The following MAP6 variants were observed in gnomAD, a reference collection of about 807,000 sequenced individuals.
MAP6 encodes microtubule associated protein 6.
MAP6 carries 26 observed loss-of-function variants against 42.4 expected under a neutral mutation model. The ratio of observed to expected loss-of-function variants is 0.61; its 90% CI spans 0.45 to 0.85. The LOEUF (loss-of-function observed/expected upper bound fraction) is 0.85, where lower values mean the gene tolerates loss of function less well. Ranked by LOEUF, MAP6 falls within the 40% of genes least tolerant of loss-of-function variation. MAP6 has a pLI of 0.00. For missense variants in MAP6, 966 were observed against 1,099.0 expected (o/e 0.88, Z 1.71); for synonymous variants, 418 against 443.8 (o/e 0.94, Z 0.73).
intron 1 of MAP6, among the ~76,000 whole-genome samples, chr11:75,613,597 C>T (rs920372344): frequency 3.9e-5 from 6 of 152,066 alleles, no homozygotes; most frequent in African/African-American, 1.5e-4. Context: ...GCCCGCTGTC[C>T]CCTCCACAAC....
At chr11:75,662,600 G>A (rs2135699267) in intron 1 of MAP6, among the ~76,000 whole-genome samples, 1 of 152,294 alleles carries the variant, frequency 6.6e-6, no homozygotes, top group South Asian at 2.1e-4. Context: ...GAATTAGAAT[G>A]TATGAGGATG....
At chr11:75,617,956 T>C (rs991589580) in intron 1 of MAP6, among the ~76,000 whole-genome samples, 16 of 152,034 alleles carry the variant, frequency 1.1e-4, no homozygotes, top group African/African-American at 3.6e-4. Context: ...AGACTGGAAA[T>C]GGAAATGTTG....
chr11:75,657,942 G>C (rs1323315324), intron 1 of MAP6, among the ~76,000 whole-genome samples: 4 of 152,050 alleles, frequency 2.6e-5, no homozygotes, highest in African/African-American at 9.7e-5. Context: ...AATCCCCTTT[G>C]CCATGTAAGA....
At chr11:75,598,816 T>TAC (rs1287495793) in intron 3 of MAP6, 1 of 152,342 alleles carries the variant, frequency 6.6e-6, no homozygotes, top group Non-Finnish European at 1.5e-5. Flanking sequence ...GTAAGGGGGA[T>TAC]ACACACATGA....
chr11:75,615,169 C>A (rs1285786599), intron 1 of MAP6, among the ~76,000 whole-genome samples: 1 of 152,118 alleles, frequency 6.6e-6, no homozygotes, highest in African/African-American at 2.4e-5. Flanking sequence ...GGAACCTGGG[C>A]CAGATGATGA....
rs1446589352 is a variant in MAP6, at chr11:75,668,720, C to T, written c.-351G>A. 1 of 188,562 alleles carries T rather than the reference C, an allele frequency of 5.3e-6. No individual in the cohort carries two copies. Among genetic ancestry groups the T allele is most frequent in the South Asian group, 1.6e-4 (1 of 6,148 alleles). 11.7% of individuals were successfully genotyped at this position (188,562 alleles called of 1,614,324 possible). On this transcript the variant is annotated 5_prime_UTR_variant, in exon 1 of 4. Transcript: ENST00000304771. Reference sequence around the variant, plus strand: ...CACAGACCTCGGTCGAGCGAGGCGACGTGAGGAGAGGTGGCTACAGGCTTA... The same window carrying T: ...CACAGACCTCGGTCGAGCGAGGCGATGTGAGGAGAGGTGGCTACAGGCTTA...
Position 75,625,588 on chromosome 11 carries a change from A to C in MAP6, c.906-17266T>G, listed in dbSNP as rs377116799. 4.6e-5 allele frequency among the ~76,000 whole-genome samples: 7 copies of C among 152,324 alleles called. No individual in the cohort carries two copies. In the South Asian group the frequency reaches 1.5e-3, roughly 32 times the overall value. On this transcript the variant is annotated intron_variant, in intron 1 of 3. Coordinates refer to ENST00000304771, the MANE Select transcript of MAP6 (RefSeq NM_033063.2). ...GTGAGCGATTTGCTCAAGGGCACAC[A>C]GCTAACAAACAGGAGGACCAGAACT...
At position 75,608,242 on chromosome 11, in the gene MAP6, T is replaced by C; in HGVS notation, c.986A>G (p.Lys329Arg). The C allele has an allele frequency of 6.2e-7, 1 of 1,614,216 alleles. No homozygotes were observed. Among genetic ancestry groups the C allele is most frequent in the Non-Finnish European group, 8.5e-7 (1 of 1,180,020 alleles). Reference sequence around the variant, plus strand: ...ACTGTAGCTGGTCTCATGAACCATCTTATCATCTGGGGGCTTGTACTGGGG... The same window carrying C: ...ACTGTAGCTGGTCTCATGAACCATCCTATCATCTGGGGGCTTGTACTGGGG... ...AKPQYKPPDD[K>R]MVHETSYSAQ... Residue 329 changes from lysine to arginine, a missense_variant, in exon 2 of 4, where the codon AAG becomes AGG. Lys to Arg is a conservative substitution (Grantham distance 26, BLOSUM62 2). Coordinates refer to ENST00000304771, the MANE Select transcript of MAP6 (RefSeq NM_033063.2).
intron 3 of MAP6, among the ~76,000 whole-genome samples, chr11:75,590,433 C>T (rs1190368647): frequency 1.3e-5 from 2 of 152,186 alleles, no homozygotes; most frequent in African/African-American, 4.8e-5. Context: ...GCCAGCCCTG[C>T]AGCCTGGGCC....
rs769812300 is a variant in MAP6, at chr11:75,587,494, T to A, written c.2007A>T (p.Val669=). 2 of 1,614,118 alleles carry A rather than the reference T, an allele frequency of 1.2e-6. No individual in the cohort carries two copies. The highest frequency in any genetic ancestry group is 1.7e-6 in the Non-Finnish European group (2 of 1,180,012). Reference sequence around the variant, plus strand: ...CTGAGACCACTAAACCTTGATTCTTTACAGGCTCAGAGACCATGGAACCTT... The same window carrying A: ...CTGAGACCACTAAACCTTGATTCTTAACAGGCTCAGAGACCATGGAACCTT... ...KNQGSMVSEP[V]KNQGLVVSGP... The change falls in exon 4 of 4, where the codon GTA becomes GTT. Residue 669 remains valine (V), a synonymous_variant. Transcript: ENST00000304771.
In MAP6 at chr11:75,645,132, G is replaced by C. The variant is rs146345100; in HGVS notation, c.905+22333C>G. Among the ~76,000 whole-genome samples, 8 of 152,280 alleles carry C rather than the reference G, an allele frequency of 5.3e-5. No homozygotes were observed. The East Asian group carries it at 1.4e-3, about 26-fold the overall frequency. On this transcript the variant is annotated intron_variant, in intron 1 of 3. Coordinates refer to ENST00000304771, the MANE Select transcript of MAP6 (RefSeq NM_033063.2). ...GCACCTCTGAGTCAGAGCAGTAAAC[G>C]TGAGAAGTGACTGCACTGCTGCCGA...
In MAP6 at chr11:75,667,568, C is replaced by T. The variant is rs1176272318; in HGVS notation, c.802G>A (p.Val268Ile). The T allele has an allele frequency of 7.0e-7, 1 of 1,427,962 alleles. No homozygotes were observed. The highest frequency in any genetic ancestry group is 9.1e-7 in the Non-Finnish European group (1 of 1,101,234). The allele number at this position is 1,427,962 out of a possible 1,614,324, so 88.5% of individuals were successfully genotyped here. ...QTPLPAAQAQ[V>I]QATGPEAGRG... ...CCAGCCTCGGGGCCGGTGGCCTGGA[C>T]CTGGGCCTGGGCCGCGGGCAGCGGC... is the stretch of plus-strand genomic sequence containing the variant. The change falls in exon 1 of 4, where the codon GTC (valine) becomes ATC (isoleucine). Residue 268 changes from valine to isoleucine, a missense_variant. Physicochemically the swap from Val to Ile is conservative, Grantham distance 29 (BLOSUM62 3). Around this residue, in one of 2 missense-constraint regions of MAP6, gnomAD observed 943 missense variants for 1,049.9 expected, o/e 0.90. Transcript: ENST00000304771. This position sits in a 1 kb window ranked among gnomAD's most constrained non-coding sequence, Gnocchi z 5.6.
rs145360767 is a variant in MAP6 at position 75,608,133 on chromosome 11, G to A, written c.1095C>T (p.Ser365=). 59 of 1,613,886 alleles carry A rather than the reference G, an allele frequency of 3.7e-5. No individual in the cohort carries two copies. The highest frequency in any genetic ancestry group is 1.5e-4 in the South Asian group (14 of 91,070). The part of the protein sequence containing the change: ...IDRRRIRSLY[S]EPFKEPPKVE... ...CCTTTGGGGGTTCCTTGAAGGGTTCGCTGTAGAGGCTGCGTATTCTTCTGC... is the reference window on the plus strand; with the variant it reads ...CCTTTGGGGGTTCCTTGAAGGGTTCACTGTAGAGGCTGCGTATTCTTCTGC... Residue 365 remains serine, a synonymous_variant, in exon 2 of 4, where the codon AGC becomes AGT. Transcript: ENST00000304771.
intron 1 of MAP6, among the ~76,000 whole-genome samples, chr11:75,625,212 C>T (rs936065655): frequency 1.7e-4 from 26 of 152,166 alleles, no homozygotes; most frequent in African/African-American, 6.3e-4. Context: ...AGCCACAGCG[C>T]TTGGAGTCAT....
At chr11:75,616,738 T>A (rs749445770) in intron 1 of MAP6, among the ~76,000 whole-genome samples, 1 of 152,252 alleles carries the variant, frequency 6.6e-6, no homozygotes, top group Non-Finnish European at 1.5e-5. Flanking sequence ...TCTATGTATG[T>A]GTACATGCTT....
Position 75,605,804 on chromosome 11 carries a change from T to C in MAP6, c.1316+4A>G, listed in dbSNP as rs1242714767. 1 of 1,613,890 alleles carries C rather than the reference T, an allele frequency of 6.2e-7. No homozygotes were observed. Among genetic ancestry groups the C allele is most frequent in the Non-Finnish European group, 8.5e-7 (1 of 1,179,886 alleles). On this transcript the variant is annotated splice_donor_region_variant and intron_variant, in intron 3 of 3. Transcript: ENST00000304771. ...GAGTAAAAGGAAAGTGCAGGGAAAT[T>C]TACTCTTTCGCCTCAGCCAGTTTAT...
Position 75,667,493 on chromosome 11 carries a change from C to G in MAP6, c.877G>C (p.Val293Leu). ...DALNRQIREE[V>L]ASAVSSSYRN... ...TAGGAGCTGCTCACTGCACTCGCCA[C>G]CTCCTCGCGGATTTGCCGGTTGAGG... The change falls in exon 1 of 4, where the codon GTG becomes CTG. Residue 293 changes from valine to leucine, a missense_variant. Coordinates refer to ENST00000304771, the MANE Select transcript of MAP6 (RefSeq NM_033063.2). This position sits in a 1 kb window ranked among gnomAD's most constrained non-coding sequence, Gnocchi z 5.6. 6.6e-7 allele frequency: 1 copy of G among 1,510,820 alleles called. No homozygotes were observed. Among genetic ancestry groups the G allele is most frequent in the Non-Finnish European group, 8.8e-7 (1 of 1,138,526 alleles). 93.6% of individuals were successfully genotyped at this position (1,510,820 alleles called of 1,614,324 possible). A position where few individuals can be genotyped will look rare whatever the true frequency, so the allele number is the denominator to read the frequency against.
At position 75,608,273 on chromosome 11, in the gene MAP6, C is replaced by T; in HGVS notation, c.955G>A (p.Ala319Thr). 6.2e-7 allele frequency: 1 copy of T among 1,614,184 alleles called. No homozygotes were observed. The highest frequency in any genetic ancestry group is 8.5e-7 in the Non-Finnish European group (1 of 1,180,032). Reference protein sequence around the residue: ...TDIKPVKPIKAKPQYKPPDDK... With the variant: ...TDIKPVKPIKTKPQYKPPDDK... ...TCTGGGGGCTTGTACTGGGGCTTGG[C>T]CTTTATTGGTTTCACAGGCTTGATG... Residue 319 changes from alanine to threonine, a missense_variant, in exon 2 of 4, where the codon GCC becomes ACC. Coordinates refer to ENST00000304771, the MANE Select transcript of MAP6 (RefSeq NM_033063.2).
At chr11:75,617,704 A>G (rs1162066228) in intron 1 of MAP6, among the ~76,000 whole-genome samples, 1 of 151,998 alleles carries the variant, frequency 6.6e-6, no homozygotes, top group Middle Eastern at 3.4e-3. Context: ...AGACAAGTAC[A>G]CTTACAAATA....
Sources: gnomAD v4.1 joint callset for allele counts (sites outside exome capture counted in the v4.1 genomes callset) on GRCh38, gnomAD v4.1.1 for gene constraint, gnomAD v4.1.1 regional missense constraint, Gnocchi (gnomAD v3.1) non-coding constraint, MANE v1.5 for transcripts, NCBI Gene and HGNC (gene_info 2026-07-23, HGNC 2026-07-21) for gene names.